Variants in EML1 observed in about 807,000 individuals in gnomAD.
EML1 encodes the protein echinoderm microtubule-associated protein-like 1.
Under a neutral mutation model 110.4 loss-of-function variants are expected in EML1, and 27 were observed. That is an observed-to-expected ratio of 0.24 (90% CI 0.18 to 0.34). The LOEUF (loss-of-function observed/expected upper bound fraction) is 0.34. EML1 is among the 10% of genes least tolerant of loss of function. EML1 has a pLI of 1.00. For missense variants in EML1, 741 were observed against 1,030.9 expected, an observed-to-expected ratio of 0.72 and a Z score of 3.85; for synonymous variants, 344 against 385.8, an observed-to-expected ratio of 0.89 and a Z score of 1.27.
chr14:99,940,069 C>T lies in EML1; in HGVS notation c.2405C>T (p.Thr802Met), dbSNP rs150426019. 37 of 1,602,734 alleles carry T rather than the reference C, an allele frequency of 2.3e-5. No individual in the cohort carries two copies. The highest frequency in any genetic ancestry group is 2.3e-4 in the African/African-American group (17 of 74,348). The part of the protein sequence containing the change: ...FLCEDSHLIS[T>M]GGKDTSIMQW... The stretch of plus-strand genomic sequence containing the variant: ...TGTGAAGACAGCCACCTCATCTCCA[C>T]GGGCGGGAAAGACACAAGCATCATG... Residue 802 changes from threonine (T) to methionine (M), a missense_variant, in exon 22 of 22, where the codon ACG becomes ATG. Physicochemically the swap from Thr to Met is moderately conservative, Grantham distance 81 (BLOSUM62 -1). This residue lies in a region of EML1 where 114 missense variants were observed against 122.5 expected (regional missense o/e 0.93). Coordinates refer to ENST00000262233, the MANE Select transcript of EML1 (RefSeq NM_004434.3).
chr14:99,757,167 G>T (rs1201281024), intron 1 of EML1, among the ~76,000 whole-genome samples: 3 of 152,072 alleles, frequency 2.0e-5, no homozygotes, highest in East Asian at 1.9e-4. Context: ...TGGAGAAACC[G>T]CATCTCTACT....
intron 1 of EML1, among the ~76,000 whole-genome samples, chr14:99,798,911 G>A (rs2057825613): frequency 6.6e-6 from 1 of 151,996 alleles, no homozygotes; most frequent in South Asian, 2.1e-4. Context: ...GTGTTGTAAT[G>A]CTATAAATAA....
upstream of EML1, among the ~76,000 whole-genome samples, chr14:99,788,664 C>G (rs775756168): frequency 6.6e-6 from 1 of 151,984 alleles, no homozygotes; most frequent in South Asian, 2.1e-4. Context: ...TGTACACACA[C>G]GACATAAAAG....
chr14:99,854,243 C>A (rs910200722), intron 2 of EML1, among the ~76,000 whole-genome samples: 1 of 152,194 alleles, frequency 6.6e-6, no homozygotes, highest in African/African-American at 2.4e-5. Context: ...ACCTGTGGAG[C>A]CATAGATAAT....
intron 1 of EML1, among the ~76,000 whole-genome samples, chr14:99,828,916 G>T (rs117387549): frequency 0.031 from 4,747 of 152,226 alleles, 94 homozygotes; most frequent in Non-Finnish European, 0.041. Context: ...CGTTGAGTAG[G>T]CTGAGGAGGA....
chr14:99,884,681 T>C (rs2059444672), intron 4 of EML1, among the ~76,000 whole-genome samples: 1 of 152,260 alleles, frequency 6.6e-6, no homozygotes, highest in South Asian at 2.1e-4. Flanking sequence ...GAAGATAACA[T>C]ATTTAGAAAA....
intron 2 of EML1, among the ~76,000 whole-genome samples, chr14:99,859,767 CT>C (rs2058969744): frequency 6.6e-6 from 1 of 152,190 alleles, no homozygotes; most frequent in Non-Finnish European, 1.5e-5. Flanking sequence ...CCCATGGGTT[CT>C]CACTGGCTCT....
chr14:99,888,987 A>G (rs376529093), intron 4 of EML1, among the ~76,000 whole-genome samples: 1 of 152,168 alleles, frequency 6.6e-6, no homozygotes, highest in South Asian at 2.1e-4. Context: ...GTGAGTGTGC[A>G]TGGTGGATTG....
At chr14:99,868,751 AAAC>A (rs2059144816) in intron 3 of EML1, among the ~76,000 whole-genome samples, 1 of 152,076 alleles carries the variant, frequency 6.6e-6, no homozygotes, top group Non-Finnish European at 1.5e-5. Context: ...TTTTTAAAAA[AAAC>A]AATTCTTGGT....
chr14:99,769,114 C>T (rs1244846760), upstream of EML1, among the ~76,000 whole-genome samples: 1 of 152,144 alleles, frequency 6.6e-6, no homozygotes, highest in Non-Finnish European at 1.5e-5. Flanking sequence ...TTACCAAGAA[C>T]TACAGACCCC....
At chr14:99,755,403 C>A (rs565994158) in intron 1 of EML1, among the ~76,000 whole-genome samples, 1 of 152,324 alleles carries the variant, frequency 6.6e-6, no homozygotes, top group South Asian at 2.1e-4. Context: ...AGGTCCCACA[C>A]GCTGTGTGTC....
chr14:99,877,932 A>T (rs1429350015), intron 3 of EML1, among the ~76,000 whole-genome samples: 1 of 152,148 alleles, frequency 6.6e-6, no homozygotes, highest in African/African-American at 2.4e-5. Context: ...CGGGTTGCAC[A>T]CCACCATCTG....
intron 4 of EML1, chr14:99,886,045 A>G (rs2059468722): frequency 3.1e-6 from 1 of 323,822 alleles, no homozygotes. Context: ...CAACTTCTAA[A>G]CATTTTGAAT....
At chr14:99,932,933 T>G (rs1366918713) in intron 17 of EML1, among the ~76,000 whole-genome samples, 1 of 151,994 alleles carries the variant, frequency 6.6e-6, no homozygotes, top group East Asian at 1.9e-4. Context: ...TTGGGCAACA[T>G]AGTGAGACCC....
rs1276780757 is a variant in EML1 at position 99,940,634 on chromosome 14, A to G, written c.*522A>G. On this transcript the variant is annotated 3_prime_UTR_variant, in exon 22 of 22. Coordinates refer to ENST00000262233, the MANE Select transcript of EML1 (RefSeq NM_004434.3). ...CACAAAGATGAGACTGTGTTTGGTTACATTTTCCAAAGTTTCATTGCATTC... is the reference window on the plus strand; with the variant it reads ...CACAAAGATGAGACTGTGTTTGGTTGCATTTTCCAAAGTTTCATTGCATTC... The G allele has an allele frequency of 6.6e-6, 1 of 152,292 alleles. No individual in the cohort carries two copies. Among genetic ancestry groups the G allele is most frequent in the Admixed American group, 6.5e-5 (1 of 15,290 alleles). 9.4% of individuals were successfully genotyped at this position (152,292 alleles called of 1,614,324 possible).
At chr14:99,889,291 C>T (rs888786360) in intron 4 of EML1, among the ~76,000 whole-genome samples, 3 of 152,172 alleles carry the variant, frequency 2.0e-5, no homozygotes, top group African/African-American at 7.2e-5. Context: ...GAGCCGACCC[C>T]ACCACCACCC....
At chr14:99,833,852 G>A (rs1007827623) in intron 1 of EML1, among the ~76,000 whole-genome samples, 7 of 152,186 alleles carry the variant, frequency 4.6e-5, no homozygotes, top group African/African-American at 7.2e-5. Flanking sequence ...CTGAAACCTT[G>A]ATAAACTTAC....
upstream of EML1, among the ~76,000 whole-genome samples, chr14:99,770,064 C>G (rs1456330103): frequency 1.3e-5 from 2 of 152,184 alleles, no homozygotes; most frequent in Admixed American, 6.5e-5. Context: ...TGACACTTAA[C>G]CTTTGTACCA....
At chr14:99,767,471 A>G (rs777451910) in intron 1 of EML1, among the ~76,000 whole-genome samples, 45 of 152,172 alleles carry the variant, frequency 3.0e-4, no homozygotes, top group Non-Finnish European at 6.0e-4. Flanking sequence ...GTGTGGTGGC[A>G]CGCACCTGTA....
Sources: allele counts gnomAD v4.1 joint callset (sites outside exome capture counted in the v4.1 genomes callset), GRCh38; gene constraint gnomAD v4.1.1; regional missense constraint gnomAD v4.1.1; transcripts MANE v1.5; gene names NCBI Gene and HGNC (gene_info 2026-07-23, HGNC 2026-07-21).